ADAMTS17: variants seen among roughly 807,000 people sequenced by gnomAD.
ADAMTS17 encodes the protein ADAM metallopeptidase with thrombospondin type 1 motif 17, also known as A disintegrin and metalloproteinase with thrombospondin motifs 17.
ADAMTS17 carries 113 observed loss-of-function variants against 141.5 expected under a neutral mutation model. That is an observed-to-expected ratio of 0.80 (90% CI 0.69 to 0.93). ADAMTS17 has a LOEUF of 0.93. Among genes scored for constraint, ADAMTS17 ranks in the 40% least tolerant of loss-of-function variants. ADAMTS17 has a pLI of 0.00. For missense variants in ADAMTS17, 1,659 were observed against 1,517.9 expected (o/e 1.09, Z -1.54); for synonymous variants, 768 against 630.6 (o/e 1.22, Z -3.27).
At chr15:100,189,925 C>T (rs2040856214) in intron 8 of ADAMTS17, among the ~76,000 whole-genome samples, 1 of 152,188 alleles carries the variant, frequency 6.6e-6, no homozygotes, top group African/African-American at 2.4e-5. Flanking sequence ...CCTCAGTTGC[C>T]TGCATCAGCA....
chr15:100,168,428 T>C (rs1355658548), intron 8 of ADAMTS17: 1 of 152,128 alleles, frequency 6.6e-6, no homozygotes, highest in Non-Finnish European at 1.5e-5. Context: ...AACAGGGCGA[T>C]TTGGTGAGAA....
chr15:100,269,359 G>C (rs2043825557), intron 4 of ADAMTS17, among the ~76,000 whole-genome samples: 1 of 152,152 alleles, frequency 6.6e-6, no homozygotes, highest in Admixed American at 6.5e-5. Flanking sequence ...TAGAGGTGTT[G>C]GGTCATATGT....
Position 100,109,021 on chromosome 15 carries a change from C to T in ADAMTS17, c.1984G>A (p.Glu662Lys), listed in dbSNP as rs530576089. ...TTGCCGTGCACGCAGAGATCAGTCT[C>T]GTAGGGCCCGCAGGGTGTACCGTCC... ...VLDGTPCGPY[E>K]TDLCVHGKCQ... Residue 662 changes from glutamate (E) to lysine (K), a missense_variant, in exon 14 of 22, where the codon GAG becomes AAG. Physicochemically the swap from Glu to Lys is moderately conservative, Grantham distance 56 (BLOSUM62 1). Coordinates refer to ENST00000268070, the MANE Select transcript of ADAMTS17 (RefSeq NM_139057.4). 3.9e-5 allele frequency: 63 copies of T among 1,614,118 alleles called. No individual in the cohort carries two copies. The highest frequency in any genetic ancestry group is 1.3e-4 in the East Asian group (6 of 44,870).
intron 13 of ADAMTS17, among the ~76,000 whole-genome samples, chr15:100,109,802 T>C (rs933471872): frequency 1.3e-5 from 2 of 152,018 alleles, no homozygotes; most frequent in Admixed American, 6.6e-5. Flanking sequence ...CGGTGTGCGC[T>C]CTCTGCCTGG....
At position 100,106,644 on chromosome 15, in the gene ADAMTS17, C is replaced by G. The variant is rs186378861; in HGVS notation, c.2016+2345G>C. Among the ~76,000 whole-genome samples, 11 of 152,292 alleles carry G rather than the reference C, an allele frequency of 7.2e-5. No individual in the cohort carries two copies. The South Asian group carries it at 2.3e-3, about 32-fold the overall frequency. On this transcript the variant is annotated intron_variant, in intron 14 of 21. Coordinates refer to ENST00000268070, the MANE Select transcript of ADAMTS17 (RefSeq NM_139057.4). ...AGAAATGCCTCCCCATTGGCAAGAA[C>G]GCTGCAGAAGATGCTGGCAGAGGCT...
rs769158656 is a variant in ADAMTS17, at chr15:100,341,942, CA to C, written c.-44del. On this transcript the variant is annotated 5_prime_UTR_variant, in exon 1 of 22. Transcript: ENST00000268070. ...GCCCCCCCGGACCGTGGCGGCGAAG[CA>C]GGAGCGCGCTAGGCGGCGGCGCCAG... The C allele has an allele frequency of 3.2e-5, 50 of 1,546,632 alleles. No homozygotes were observed. In the Middle Eastern group the frequency reaches 8.4e-4, roughly 26 times the overall value.
At chr15:100,044,807 ATTTTT>A (rs60017895) in intron 18 of ADAMTS17, among the ~76,000 whole-genome samples, 1 of 138,428 alleles carries the variant, frequency 7.2e-6, no homozygotes, top group Admixed American at 7.1e-5. Context: ...TATAATTTGG[ATTTTT>A]TTTTTTTTTT....
At chr15:100,135,156 T>C (rs1176508988) in intron 10 of ADAMTS17, among the ~76,000 whole-genome samples, 1 of 152,096 alleles carries the variant, frequency 6.6e-6, no homozygotes, top group Admixed American at 6.5e-5. Context: ...GACAGGGCTT[T>C]CTCATGAAAC....
intron 12 of ADAMTS17, among the ~76,000 whole-genome samples, chr15:100,131,143 C>A (rs184442497): frequency 1.3e-5 from 2 of 152,040 alleles, no homozygotes; most frequent in African/African-American, 4.8e-5. Flanking sequence ...TGTATGTTCT[C>A]ACTCAGAAAT....
At chr15:100,120,106 G>A (rs577002228) in intron 12 of ADAMTS17, among the ~76,000 whole-genome samples, 2 of 152,296 alleles carry the variant, frequency 1.3e-5, no homozygotes, top group Non-Finnish European at 2.9e-5. Flanking sequence ...ATCTTAAAAT[G>A]ACCAACAGAG....
intron 20 of ADAMTS17, among the ~76,000 whole-genome samples, chr15:99,977,881 C>T (rs1289269498): frequency 7.9e-5 from 12 of 152,274 alleles, no homozygotes; most frequent in Middle Eastern, 3.4e-3. Context: ...ACAGCCAGGT[C>T]CATGAGTATA....
intron 18 of ADAMTS17, among the ~76,000 whole-genome samples, chr15:100,021,025 CT>C (rs541021264): frequency 1.6e-3 from 240 of 152,288 alleles, no homozygotes; most frequent in African/African-American, 5.3e-3. Flanking sequence ...TGGCTCTTTC[CT>C]TGGTTCAGTC....
At chr15:100,176,360 C>T (rs749192328) in intron 8 of ADAMTS17, among the ~76,000 whole-genome samples, 3 of 152,066 alleles carry the variant, frequency 2.0e-5, no homozygotes, top group Admixed American at 1.3e-4. Context: ...GTGTTGGAGT[C>T]GCCTAAGGAG....
intron 15 of ADAMTS17, among the ~76,000 whole-genome samples, chr15:100,087,664 G>T (rs2035196049): frequency 6.6e-6 from 1 of 152,134 alleles, no homozygotes; most frequent in African/African-American, 2.4e-5. Flanking sequence ...TTCATTCCTG[G>T]GATGCAAGGC....
At chr15:100,092,297 T>C (rs1484222273) in intron 15 of ADAMTS17, among the ~76,000 whole-genome samples, 2 of 152,226 alleles carry the variant, frequency 1.3e-5, no homozygotes, top group Non-Finnish European at 2.9e-5. Context: ...TAATGGCCTC[T>C]GAGTTTATCC....
chr15:100,071,488 C>G (rs143878232), intron 15 of ADAMTS17, among the ~76,000 whole-genome samples: 2,142 of 150,282 alleles, frequency 0.014, 161 homozygotes, highest in African/African-American at 0.049. Flanking sequence ...ATGCAAAAAT[C>G]CTCAATAAAA....
At position 100,003,416 on chromosome 15, in the gene ADAMTS17, A is replaced by G. The variant is rs540713687; in HGVS notation, c.2592-5827T>C. ...ACTTGCTCTGCCTCAGGGTTGGGGA[A>G]GTGATGTCTGAGCTGAGTCTCAGTC... On this transcript the variant is annotated intron_variant, in intron 18 of 21. Coordinates refer to ENST00000268070, the MANE Select transcript of ADAMTS17 (RefSeq NM_139057.4). Among the ~76,000 whole-genome samples the G allele has an allele frequency of 3.9e-5, 6 of 152,156 alleles. No homozygotes were observed. The South Asian group carries it at 1.2e-3, about 32-fold the overall frequency.
At position 100,085,399 on chromosome 15, in the gene ADAMTS17, A is replaced by ATGGAG. The variant is rs2035033101; in HGVS notation, c.2137+10956_2137+10957insCTCCA. 3.3e-5 allele frequency among the ~76,000 whole-genome samples: 4 copies of ATGGAG among 122,848 alleles called. No individual in the cohort carries two copies. The South Asian group carries it at 9.5e-4, about 29-fold the overall frequency. 80.6% of individuals were successfully genotyped at this position (122,848 alleles called of 152,430 possible). ...ACCTGAAAGTGACGAGGAGAACGCA[A>ATGGAG]CCAAGTTGGAAAACACTCTGCAGGA... On this transcript the variant is annotated intron_variant, in intron 15 of 21. Coordinates refer to ENST00000268070, the MANE Select transcript of ADAMTS17 (RefSeq NM_139057.4).
chr15:99,993,344 G>T lies in ADAMTS17; in HGVS notation c.2797-144C>A. On this transcript the variant is annotated intron_variant, in intron 19 of 21. Transcript: ENST00000268070. The surrounding 1 kb of genome is among the most constrained non-coding windows in gnomAD (Gnocchi z 4.3). Reference sequence around the variant, plus strand: ...ACACTTCTGTCCTCAAAAAGCTCCTGGTCTGCAGGGTCTTACGCACGTGGT... The same window carrying T: ...ACACTTCTGTCCTCAAAAAGCTCCTTGTCTGCAGGGTCTTACGCACGTGGT... 1.6e-6 allele frequency: 2 copies of T among 1,233,504 alleles called. No individual in the cohort carries two copies. Among genetic ancestry groups the T allele is most frequent in the Non-Finnish European group, 2.3e-6 (2 of 861,246 alleles). The allele number at this position is 1,233,504 out of a possible 1,614,324, so 76.4% of individuals were successfully genotyped here. A position where few individuals can be genotyped will look rare whatever the true frequency, so the allele number is the denominator to read the frequency against.
Sources: allele counts gnomAD v4.1 joint callset (sites outside exome capture counted in the v4.1 genomes callset), GRCh38; gene constraint gnomAD v4.1.1; non-coding constraint Gnocchi (gnomAD v3.1); transcripts MANE v1.5; gene names NCBI Gene and HGNC (gene_info 2026-07-23, HGNC 2026-07-21).